SDK1: variants seen among roughly 807,000 people sequenced by gnomAD.
SDK1 encodes protein sidekick-1.
In SDK1, 157 loss-of-function variants were observed where a neutral mutation model predicts 245.5. The observed-to-expected ratio is 0.64, with a 90% CI of 0.56 to 0.73. SDK1 has a LOEUF of 0.73. SDK1 is among the 30% of genes least tolerant of loss of function. The pLI, the probability that SDK1 is intolerant of heterozygous loss-of-function variation, is 0.00. For missense variants in SDK1, 3,583 were observed against 3,002.3 expected (o/e 1.19, Z -4.52); for synonymous variants, 1,647 against 1,278.5 (o/e 1.29, Z -6.15).
At chr7:3,669,473 C>G (rs1251251105) in intron 4 of SDK1, among the ~76,000 whole-genome samples, 2 of 152,112 alleles carry the variant, frequency 1.3e-5, no homozygotes, top group Admixed American at 6.5e-5. Context: ...CTGGTATTGA[C>G]TGTTCGGTTT....
rs1368676041 is a variant in SDK1, at chr7:3,901,046, A to C, written c.848-49877A>C. On this transcript the variant is annotated intron_variant, in intron 5 of 44. Transcript: ENST00000404826. The stretch of plus-strand genomic sequence containing the variant: ...AAAAACATCTCCTTACCCATAATCT[A>C]ATCGTTCCCTGGCCTTTCATTTTTT... Among the ~76,000 whole-genome samples, 3 of 152,242 alleles carry C rather than the reference A, an allele frequency of 2.0e-5. No homozygotes were observed. In the East Asian group the frequency reaches 5.8e-4, roughly 29 times the overall value.
intron 1 of SDK1, among the ~76,000 whole-genome samples, chr7:3,429,203 G>A (rs1779761074): frequency 6.7e-6 from 1 of 148,724 alleles, no homozygotes; most frequent in South Asian, 2.2e-4. Flanking sequence ...ATAATACTCA[G>A]TTGTGGATAG....
At position 3,512,463 on chromosome 7, in the gene SDK1, A is replaced by G. The variant is rs977219985; in HGVS notation, c.299-106617A>G. On this transcript the variant is annotated intron_variant, in intron 1 of 44. Coordinates refer to ENST00000404826, the MANE Select transcript of SDK1 (RefSeq NM_152744.4). ...TTTTGTATGTGGAAATAAGTTTTCCATTTCTTTGGGTGAATACCAAGGAGT... is the reference window on the plus strand; with the variant it reads ...TTTTGTATGTGGAAATAAGTTTTCCGTTTCTTTGGGTGAATACCAAGGAGT... Among the ~76,000 whole-genome samples the G allele has an allele frequency of 3.6e-4, 55 of 152,218 alleles. 1 individual carries two copies. Among genetic ancestry groups the G allele is most frequent in the Admixed American group, 2.5e-3 (38 of 15,280 alleles).
chr7:3,916,695 C>T (rs1419867181), intron 5 of SDK1, among the ~76,000 whole-genome samples: 1 of 152,192 alleles, frequency 6.6e-6, no homozygotes, highest in Non-Finnish European at 1.5e-5. Context: ...TATTGAATAG[C>T]AGTTTCTTTT....
intron 1 of SDK1, among the ~76,000 whole-genome samples, chr7:3,550,834 AT>A (rs2128623033): frequency 6.6e-6 from 1 of 152,276 alleles, no homozygotes; most frequent in African/African-American, 2.4e-5. Flanking sequence ...TTTCTAGAAA[AT>A]GTTTTTACTG....
intron 1 of SDK1, among the ~76,000 whole-genome samples, chr7:3,439,623 G>GAATA (rs1780135167): frequency 6.6e-6 from 1 of 152,180 alleles, no homozygotes; most frequent in African/African-American, 2.4e-5. Flanking sequence ...ACTTTCTAAT[G>GAATA]GGATTTAAAA....
chr7:3,909,685 A>C (rs988355936), intron 5 of SDK1, among the ~76,000 whole-genome samples: 3 of 152,240 alleles, frequency 2.0e-5, no homozygotes, highest in African/African-American at 7.2e-5. Context: ...ACACAAATAC[A>C]CGGCTTTAAA....
chr7:3,436,869 C>A (rs10266047), intron 1 of SDK1, among the ~76,000 whole-genome samples: 1 of 151,982 alleles, frequency 6.6e-6, no homozygotes, highest in Non-Finnish European at 1.5e-5. Context: ...CCCCAAGAAC[C>A]TACATAGACA....
intron 1 of SDK1, among the ~76,000 whole-genome samples, chr7:3,576,133 G>C (rs921085867): frequency 2.0e-5 from 3 of 152,122 alleles, no homozygotes; most frequent in African/African-American, 7.2e-5. Context: ...ATTTCCAGCT[G>C]TCATCAGAAT....
intron 32 of SDK1, among the ~76,000 whole-genome samples, chr7:4,172,716 G>A (rs1265773594): frequency 6.6e-6 from 1 of 152,110 alleles, no homozygotes; most frequent in Non-Finnish European, 1.5e-5. Flanking sequence ...TGCCTCTGAG[G>A]GCTCCAGGGA....
chr7:3,534,007 A>T (rs983088073), intron 1 of SDK1, among the ~76,000 whole-genome samples: 1 of 152,126 alleles, frequency 6.6e-6, no homozygotes, highest in Non-Finnish European at 1.5e-5. Flanking sequence ...AGATCTCTGG[A>T]ACTTGCTCAT....
In SDK1 at chr7:4,205,202, G is replaced by A. The variant is rs1010411086; in HGVS notation, c.5099-677G>A. Among the ~76,000 whole-genome samples, 6 of 152,286 alleles carry A rather than the reference G, an allele frequency of 3.9e-5. No individual in the cohort carries two copies. The East Asian group carries it at 5.8e-4, about 15-fold the overall frequency. On this transcript the variant is annotated intron_variant, in intron 35 of 44. Coordinates refer to ENST00000404826, the MANE Select transcript of SDK1 (RefSeq NM_152744.4). ...AAGTGCAGCCATGTTCTCAAACATCGGAGCTTCCTGTCCCTCTTAGAGGGG... is the reference window on the plus strand; with the variant it reads ...AAGTGCAGCCATGTTCTCAAACATCAGAGCTTCCTGTCCCTCTTAGAGGGG...
At chr7:3,350,259 A>G (rs1203378808) in intron 1 of SDK1, among the ~76,000 whole-genome samples, 1 of 152,142 alleles carries the variant, frequency 6.6e-6, no homozygotes, top group Non-Finnish European at 1.5e-5. Context: ...ATGAGTGTGG[A>G]AAAAAACAAA....
At chr7:3,637,204 T>C (rs1474758000) in intron 2 of SDK1, among the ~76,000 whole-genome samples, 2 of 152,136 alleles carry the variant, frequency 1.3e-5, no homozygotes, top group Non-Finnish European at 2.9e-5. Flanking sequence ...TTCAAGTGAT[T>C]CTCCTGTTTC....
At chr7:3,899,409 C>T (rs1781707755) in intron 5 of SDK1, among the ~76,000 whole-genome samples, 1 of 152,232 alleles carries the variant, frequency 6.6e-6, no homozygotes, top group African/African-American at 2.4e-5. Context: ...CCTATGTCTA[C>T]CACGTGAGAT....
chr7:3,781,753 G>A (rs529766701), intron 4 of SDK1, among the ~76,000 whole-genome samples: 1 of 152,228 alleles, frequency 6.6e-6, no homozygotes, highest in Non-Finnish European at 1.5e-5. Flanking sequence ...TCTTAGAGAT[G>A]AAAAATACAG....
intron 1 of SDK1, among the ~76,000 whole-genome samples, chr7:3,340,134 T>C (rs1780307603): frequency 6.6e-6 from 1 of 151,884 alleles, no homozygotes; most frequent in Non-Finnish European, 1.5e-5. Flanking sequence ...TTTTAGTTTT[T>C]CTCAAAAACT....
chr7:3,702,060 C>T lies in SDK1; in HGVS notation c.713+59955C>T, dbSNP rs1002173143. Among the ~76,000 whole-genome samples, 5 of 151,698 alleles carry T rather than the reference C, an allele frequency of 3.3e-5. No individual in the cohort carries two copies. The South Asian group carries it at 1.0e-3, about 32-fold the overall frequency. ...CTGTTAAACTTTCAGAAGAATAAAC[C>T]TCTGGGGTTTAGAACTTAGTGAAGT... On this transcript the variant is annotated intron_variant, in intron 4 of 44. Transcript: ENST00000404826.
At chr7:3,712,614 C>T (rs1032017678) in intron 4 of SDK1, among the ~76,000 whole-genome samples, 6 of 152,102 alleles carry the variant, frequency 3.9e-5, no homozygotes, top group Admixed American at 1.3e-4. Context: ...AGCATTATAA[C>T]GATATTGTCA....
Sources: allele counts gnomAD v4.1 joint callset (sites outside exome capture counted in the v4.1 genomes callset), GRCh38; gene constraint gnomAD v4.1.1; transcripts MANE v1.5; gene names NCBI Gene and HGNC (gene_info 2026-07-23, HGNC 2026-07-21).